The following GNS variants were observed in gnomAD, a reference collection of about 807,000 sequenced individuals.
GNS encodes the protein N-acetylglucosamine-6-sulfatase.
A neutral mutation model predicts 69.7 loss-of-function variants in GNS; 40 were observed. The ratio of observed to expected loss-of-function variants is 0.57; its 90% CI spans 0.45 to 0.75. The LOEUF (loss-of-function observed/expected upper bound fraction) is 0.75. GNS is among the 30% of genes least tolerant of loss of function. The pLI is 0.00. For missense variants in GNS, 565 were observed against 685.5 expected, an observed-to-expected ratio of 0.82 and a Z score of 1.96; for synonymous variants, 243 against 251.6, an observed-to-expected ratio of 0.97 and a Z score of 0.32.
At chr12:64,743,376 T>TGC in intron 5 of GNS, 68 bp from the exon 6 acceptor site, 1 of 1,138,138 alleles carries the variant, frequency 8.8e-7, no homozygotes, top group Non-Finnish European at 1.3e-6. Flanking sequence ...GATAAATGTC[T>TGC]TCTGGTGAGC....
chr12:64,732,935 T>C (rs1869449862), intron 9 of GNS, among the ~76,000 whole-genome samples: 1 of 151,980 alleles, frequency 6.6e-6, no homozygotes, highest in African/African-American at 2.4e-5. Flanking sequence ...CTTTCTCAGG[T>C]TGAGAATGTT....
At chr12:64,758,309 C>CTTTTTTT (rs139394351) in intron 1 of GNS, among the ~76,000 whole-genome samples, 7 of 67,408 alleles carry the variant, frequency 1.0e-4, no homozygotes, top group Non-Finnish European at 1.6e-4. Flanking sequence ...CACTTCAGGC[C>CTTTTTTT]TTTTTTTTTT....
intron 9 of GNS, among the ~76,000 whole-genome samples, chr12:64,733,002 G>A (rs962023870): frequency 2.0e-5 from 3 of 151,950 alleles, no homozygotes; most frequent in African/African-American, 7.3e-5. Context: ...GAAAACCCTG[G>A]GGTAGACTGG....
chr12:64,756,640 G>T, intron 1 of GNS: 1 of 809,308 alleles, frequency 1.2e-6, no homozygotes, highest in Non-Finnish European at 2.1e-6. Context: ...TGTGATGACT[G>T]AAGCACAAGT....
intron 9 of GNS, 172 bp from the exon 10 acceptor site, chr12:64,729,229 C>T (rs951563590): frequency 3.2e-6 from 2 of 629,220 alleles, no homozygotes; most frequent in Non-Finnish European, 5.7e-6. Flanking sequence ...ATAATAACTT[C>T]AAACAAAATA....
At position 64,716,605 on chromosome 12, in the gene GNS, T is replaced by C; in HGVS notation, c.*136A>G. 1 of 710,062 alleles carries C rather than the reference T, an allele frequency of 1.4e-6. No homozygotes were observed. The highest frequency in any genetic ancestry group is 2.7e-5 in the East Asian group (1 of 37,036). The allele number at this position is 710,062 out of a possible 1,614,324, so 44.0% of individuals were successfully genotyped here. Reference sequence around the variant, plus strand: ...CGAGGAAGTCAGCTGACTGGGTTGCTTTTTCAAACAGGACTTAAAGCCAGC... The same window carrying C: ...CGAGGAAGTCAGCTGACTGGGTTGCCTTTTCAAACAGGACTTAAAGCCAGC... On this transcript the variant is annotated 3_prime_UTR_variant, in exon 14 of 14. Coordinates refer to ENST00000258145, the MANE Select transcript of GNS (RefSeq NM_002076.4).
At chr12:64,740,097 T>C (rs931597490) in intron 7 of GNS, among the ~76,000 whole-genome samples, 2 of 152,224 alleles carry the variant, frequency 1.3e-5, no homozygotes, top group African/African-American at 4.8e-5. Flanking sequence ...ATGTATGACC[T>C]GCAAGCCTAT....
intron 1 of GNS, among the ~76,000 whole-genome samples, chr12:64,756,295 A>C (rs1223306729): frequency 6.6e-6 from 1 of 152,166 alleles, no homozygotes; most frequent in African/African-American, 2.4e-5. Context: ...GCAATCTGTA[A>C]TCTTTTTTAG....
intron 1 of GNS, among the ~76,000 whole-genome samples, chr12:64,755,826 G>A (rs1411022667): frequency 2.6e-5 from 4 of 151,018 alleles, no homozygotes; most frequent in Non-Finnish European, 4.4e-5. Flanking sequence ...CTACAGGCAC[G>A]CACCACCATG....
chr12:64,750,346 C>A (rs922488657), intron 2 of GNS, among the ~76,000 whole-genome samples: 5 of 152,048 alleles, frequency 3.3e-5, no homozygotes, highest in African/African-American at 1.2e-4. Context: ...CCATGCCTGG[C>A]CCAATGCCCA....
chr12:64,746,957 A>C (rs1042298989), intron 3 of GNS, among the ~76,000 whole-genome samples: 4 of 152,252 alleles, frequency 2.6e-5, no homozygotes, highest in African/African-American at 9.6e-5. Context: ...GATAAAGAGC[A>C]TAAGTACATT....
intron 13 of GNS, among the ~76,000 whole-genome samples, chr12:64,719,620 T>C (rs1368182942): frequency 6.6e-6 from 1 of 152,180 alleles, no homozygotes; most frequent in African/African-American, 2.4e-5. Context: ...GTTTCTGTAG[T>C]AGGGGTTTCT....
chr12:64,717,586 C>G (rs1304871070), intron 13 of GNS, among the ~76,000 whole-genome samples: 1 of 145,644 alleles, frequency 6.9e-6, no homozygotes, highest in Non-Finnish European at 1.5e-5. Flanking sequence ...TGGTCTAGAA[C>G]TCCTGGGCTC....
intron 1 of GNS, among the ~76,000 whole-genome samples, chr12:64,754,188 G>A (rs912890919): frequency 6.6e-6 from 1 of 152,192 alleles, no homozygotes; most frequent in African/African-American, 2.4e-5. Context: ...GATGGTCCTC[G>A]CCCTCATGAT....
intron 2 of GNS, among the ~76,000 whole-genome samples, chr12:64,750,764 A>C (rs1282203872): frequency 2.6e-5 from 4 of 151,844 alleles, no homozygotes; most frequent in African/African-American, 9.7e-5. Flanking sequence ...AAATTGGCCA[A>C]GTGTGGTGAT....
At chr12:64,748,830 G>A (rs774885461) in intron 2 of GNS, among the ~76,000 whole-genome samples, 39 of 152,132 alleles carry the variant, frequency 2.6e-4, no homozygotes, top group Admixed American at 1.1e-3. Flanking sequence ...CTTATACTTG[G>A]ACCAGCAGGG....
Position 64,723,171 on chromosome 12 carries a change from A to G in GNS, c.1201-58T>C, listed in dbSNP as rs997482310. The G allele has an allele frequency of 2.8e-6, 3 of 1,063,284 alleles. No homozygotes were observed. The African/African-American group carries it at 4.6e-5, about 16-fold the overall frequency. 65.9% of individuals were successfully genotyped at this position (1,063,284 alleles called of 1,614,324 possible). A position where few individuals can be genotyped will look rare whatever the true frequency, so the allele number is the denominator to read the frequency against. ...GCACATAGACTATGATAAAGATCACAAAGTAATTGACTGCTAAAGGGGACC... is the reference window on the plus strand; with the variant it reads ...GCACATAGACTATGATAAAGATCACGAAGTAATTGACTGCTAAAGGGGACC... On this transcript the variant is annotated intron_variant, in intron 10 of 13. Coordinates refer to ENST00000258145, the MANE Select transcript of GNS (RefSeq NM_002076.4).
intron 9 of GNS, among the ~76,000 whole-genome samples, chr12:64,732,079 T>C (rs896610748): frequency 6.6e-6 from 1 of 151,550 alleles, no homozygotes; most frequent in Non-Finnish European, 1.5e-5. Flanking sequence ...CTCCACCTCC[T>C]GGGTTCAAGC....
chr12:64,748,437 GGATTCAAGTGAT>G (rs1869965812), intron 2 of GNS, among the ~76,000 whole-genome samples: 1 of 151,452 alleles, frequency 6.6e-6, no homozygotes, highest in East Asian at 1.9e-4. Context: ...TCAAATTCCT[GGATTCAAGTGAT>G]CCTTCCACCT....
Sources: allele counts gnomAD v4.1 joint callset (sites outside exome capture counted in the v4.1 genomes callset), GRCh38; gene constraint gnomAD v4.1.1; transcripts MANE v1.5; gene names NCBI Gene and HGNC (gene_info 2026-07-23, HGNC 2026-07-21).